GNG2: variants seen among roughly 807,000 people sequenced by gnomAD.
GNG2 encodes G protein subunit gamma 2.
GNG2 carries 5 observed loss-of-function variants against 5.5 expected under a neutral mutation model. The ratio of observed to expected loss-of-function variants is 0.91; its 90% CI spans 0.48 to 1.92. The LOEUF is 1.92. Among genes scored for constraint, GNG2 ranks in the 30% most tolerant of loss-of-function variants. GNG2 has a pLI of 0.01. For missense variants in GNG2, 55 were observed against 88.4 expected (o/e 0.62, Z 1.52); for synonymous variants, 28 against 32.0 (o/e 0.88, Z 0.42).
chr14:51,964,462 C>T (rs934540123), intron 3 of GNG2, among the ~76,000 whole-genome samples: 1 of 152,162 alleles, frequency 6.6e-6, no homozygotes, highest in African/African-American at 2.4e-5. Flanking sequence ...GTGCCCTACC[C>T]TTCATTCTTA....
intron 2 of GNG2, among the ~76,000 whole-genome samples, chr14:51,891,366 C>T (rs1027212724): frequency 6.6e-6 from 1 of 152,164 alleles, no homozygotes; most frequent in African/African-American, 2.4e-5. Flanking sequence ...GAAAGCTAGA[C>T]ATAGACCTAA....
chr14:51,944,364 T>C (rs1271436127), intron 2 of GNG2, among the ~76,000 whole-genome samples: 1 of 152,228 alleles, frequency 6.6e-6, no homozygotes, highest in Non-Finnish European at 1.5e-5. Context: ...TTTTGCTGTT[T>C]ACTCACATGG....
rs560290370 is a variant in GNG2, at chr14:51,928,737, C to T, written c.-29-21913C>T. Among the ~76,000 whole-genome samples, 160 of 152,260 alleles carry T rather than the reference C, an allele frequency of 1.1e-3. No individual in the cohort carries two copies. The Middle Eastern group carries it at 0.014, about 13-fold the overall frequency. The stretch of plus-strand genomic sequence containing the variant: ...ACCCACCTCCAATCACTTTTGGCTC[C>T]GGGTACATACGGCTTATATTTATGA... On this transcript the variant is annotated intron_variant, in intron 2 of 3. Coordinates refer to ENST00000556766, the MANE Select transcript of GNG2 (RefSeq NM_053064.5).
chr14:51,918,039 A>G (rs1161166028), intron 2 of GNG2, among the ~76,000 whole-genome samples: 1 of 94,190 alleles, frequency 1.1e-5, no homozygotes, highest in African/African-American at 1.1e-4. Context: ...AAACAAACCA[A>G]AAAAAAAAAA....
At chr14:51,905,036 T>C (rs901945993) in intron 2 of GNG2, among the ~76,000 whole-genome samples, 5 of 152,220 alleles carry the variant, frequency 3.3e-5, no homozygotes, top group Non-Finnish European at 5.9e-5. Flanking sequence ...GTATTGAATA[T>C]TTTTTAGTGT....
intron 2 of GNG2, among the ~76,000 whole-genome samples, chr14:51,907,701 T>A (rs559460063): frequency 6.6e-6 from 1 of 152,324 alleles, no homozygotes; most frequent in South Asian, 2.1e-4. Flanking sequence ...AGGATTTTCA[T>A]TTGAAGGTTT....
intron 2 of GNG2, among the ~76,000 whole-genome samples, chr14:51,894,181 A>G (rs1885039062): frequency 6.6e-6 from 1 of 152,256 alleles, no homozygotes; most frequent in African/African-American, 2.4e-5. Context: ...ATTGGAAAGG[A>G]CTTTTTTATA....
intron 2 of GNG2, chr14:51,914,356 A>C: frequency 1.4e-6 from 1 of 695,220 alleles, no homozygotes. Flanking sequence ...GGCCACAGTA[A>C]CCATAGCTCC....
chr14:51,830,643 G>C (rs1881158706), intron 2 of GNG2, among the ~76,000 whole-genome samples: 1 of 152,140 alleles, frequency 6.6e-6, no homozygotes, highest in Non-Finnish European at 1.5e-5. Context: ...AGCAAACTTT[G>C]TTGGCTCAAC....
At chr14:51,905,404 T>TA (rs1885853128) in intron 2 of GNG2, among the ~76,000 whole-genome samples, 1 of 152,178 alleles carries the variant, frequency 6.6e-6, no homozygotes, top group Non-Finnish European at 1.5e-5. Flanking sequence ...ATCTTGAAAA[T>TA]AAAAATGATC....
intron 2 of GNG2, among the ~76,000 whole-genome samples, chr14:51,905,477 C>A (rs1306223642): frequency 6.6e-6 from 1 of 152,156 alleles, no homozygotes; most frequent in Non-Finnish European, 1.5e-5. Context: ...TTTGGCTGAG[C>A]TTTTCTGACC....
intron 2 of GNG2, among the ~76,000 whole-genome samples, chr14:51,849,744 C>T (rs1000950020): frequency 5.3e-5 from 8 of 151,544 alleles, no homozygotes; most frequent in Non-Finnish European, 7.4e-5. Flanking sequence ...AGTAAACTTC[C>T]AATAAATATT....
rs748007771 is a variant in GNG2, at chr14:51,969,662, A to G, written c.*2975A>G. ...CAAAAGTTGTTCACATTTTTCCTAT[A>G]TAAGATCTGTGGAGTGTGTGTTTCA... is the stretch of plus-strand genomic sequence containing the variant. On this transcript the variant is annotated 3_prime_UTR_variant, in exon 4 of 4. Coordinates refer to ENST00000556766, the MANE Select transcript of GNG2 (RefSeq NM_053064.5). 18 of 152,206 alleles carry G rather than the reference A, an allele frequency of 1.2e-4. No homozygotes were observed. The highest frequency in any genetic ancestry group is 1.3e-4 in the Admixed American group (2 of 15,282). The allele number at this position is 152,206 out of a possible 1,614,324, so 9.4% of individuals were successfully genotyped here. A position where few individuals can be genotyped will look rare whatever the true frequency, so the allele number is the denominator to read the frequency against.
At chr14:51,902,302 A>G (rs1885619127) in intron 2 of GNG2, among the ~76,000 whole-genome samples, 1 of 152,246 alleles carries the variant, frequency 6.6e-6, no homozygotes, top group Non-Finnish European at 1.5e-5. Flanking sequence ...TCTATATTAC[A>G]TAAAGTGCTT....
intron 3 of GNG2, among the ~76,000 whole-genome samples, chr14:51,961,073 A>G (rs1008549186): frequency 1.3e-5 from 2 of 152,184 alleles, no homozygotes. Context: ...GTGCAGTGGC[A>G]GGCAGTAAGC....
intron 2 of GNG2, chr14:51,914,127 A>G (rs866634018): frequency 6.0e-6 from 4 of 664,542 alleles, no homozygotes; most frequent in Middle Eastern, 4.8e-4. Context: ...TGAAATTGCA[A>G]TCATCTTGTT....
rs60014306 is a variant in GNG2, at chr14:51,932,271, A to AAAAAAAAG, written c.-29-18378_-29-18377insAAAAAAGA. On this transcript the variant is annotated intron_variant, in intron 2 of 3. Transcript: ENST00000556766. ...CAAAAAAAAAAAAAAAAAAAAAAAA[A>AAAAAAAAG]AGAAAAGAAAATATGGTATATATGC... Among the ~76,000 whole-genome samples, 67 of 96,350 alleles carry AAAAAAAAG rather than the reference A, an allele frequency of 7.0e-4. 8 individuals carry two copies. The highest frequency in any genetic ancestry group is 8.2e-4 in the Non-Finnish European group (40 of 48,784). The allele number at this position is 96,350 out of a possible 152,430, so 63.2% of individuals were successfully genotyped here. A position where few individuals can be genotyped will look rare whatever the true frequency, so the allele number is the denominator to read the frequency against.
At chr14:51,850,584 A>C (rs530778712) in intron 2 of GNG2, among the ~76,000 whole-genome samples, 23 of 152,324 alleles carry the variant, frequency 1.5e-4, no homozygotes, top group Admixed American at 1.5e-3. Context: ...CCATTGTATT[A>C]GGCTGTTCTT....
At chr14:51,870,157 C>G (rs1163002962) in intron 1 of GNG2, among the ~76,000 whole-genome samples, 2 of 152,048 alleles carry the variant, frequency 1.3e-5, no homozygotes, top group Non-Finnish European at 2.9e-5. Context: ...AGTTTCCATG[C>G]ATTTCCCTTT....
Sources: allele counts gnomAD v4.1 joint callset (sites outside exome capture counted in the v4.1 genomes callset), GRCh38; gene constraint gnomAD v4.1.1; transcripts MANE v1.5; gene names NCBI Gene and HGNC (gene_info 2026-07-23, HGNC 2026-07-21).